Variants in APCDD1L observed in about 807,000 individuals in gnomAD.
APCDD1L encodes APC down-regulated 1 like, also known as protein APCDD1-like.
A neutral mutation model predicts 24.2 loss-of-function variants in APCDD1L; 21 were observed. The observed-to-expected ratio is 0.87, with a 90% CI of 0.61 to 1.25. APCDD1L has a LOEUF of 1.25. APCDD1L is among the 50% of genes most tolerant of loss of function. The pLI, the probability that APCDD1L is intolerant of heterozygous loss-of-function variation, is 0.00. For missense variants in APCDD1L, 704 were observed against 711.7 expected, an observed-to-expected ratio of 0.99 and a Z score of 0.12; for synonymous variants, 321 against 323.6, an observed-to-expected ratio of 0.99 and a Z score of 0.09.
Position 58,508,855 on chromosome 20 carries a change from G to A in APCDD1L, c.49+5804C>T, listed in dbSNP as rs1471100535. ...AATGATAGGCCACGGTGTATGGAGA[G>A]TGAGGGGTGCCGTGCAGAAAGGCAG... is the stretch of plus-strand genomic sequence containing the variant. On this transcript the variant is annotated intron_variant, in intron 1 of 3. Coordinates refer to ENST00000371149, the MANE Select transcript of APCDD1L (RefSeq NM_153360.3). This position sits in a 1 kb window ranked among gnomAD's most constrained non-coding sequence, Gnocchi z 4.0. Among the ~76,000 whole-genome samples, 1 of 152,208 alleles carries A rather than the reference G, an allele frequency of 6.6e-6. No homozygotes were observed. The highest frequency in any genetic ancestry group is 1.5e-5 in the Non-Finnish European group (1 of 68,030).
chr20:58,513,592 T>C (rs372529486), intron 1 of APCDD1L, among the ~76,000 whole-genome samples: 1 of 152,202 alleles, frequency 6.6e-6, no homozygotes, highest in South Asian at 2.1e-4. Context: ...TCCTTGCCTA[T>C]ACATGGAGCA....
chr20:58,485,819 G>A (rs1201469688), intron 1 of APCDD1L, among the ~76,000 whole-genome samples: 1 of 152,198 alleles, frequency 6.6e-6, no homozygotes, highest in Non-Finnish European at 1.5e-5. Flanking sequence ...AAGTAGGGAA[G>A]CCTCTGAGTT....
chr20:58,501,637 T>G (rs1990439071), intron 1 of APCDD1L, among the ~76,000 whole-genome samples: 1 of 152,160 alleles, frequency 6.6e-6, no homozygotes, highest in Non-Finnish European at 1.5e-5. Flanking sequence ...AATACAGACC[T>G]CCCATCCAGT....
chr20:58,504,504 T>C (rs970162018), intron 1 of APCDD1L, among the ~76,000 whole-genome samples: 1 of 152,192 alleles, frequency 6.6e-6, no homozygotes, highest in Non-Finnish European at 1.5e-5. Flanking sequence ...CAAGTGGTGA[T>C]AAATAGCAGT....
intron 1 of APCDD1L, among the ~76,000 whole-genome samples, chr20:58,506,200 G>A (rs546896144): frequency 1.3e-5 from 2 of 152,254 alleles, no homozygotes; most frequent in East Asian, 3.9e-4. Flanking sequence ...AGCAACCTGA[G>A]TCCCCTTGCA....
chr20:58,489,544 T>A (rs976229357), intron 1 of APCDD1L, among the ~76,000 whole-genome samples: 5 of 151,570 alleles, frequency 3.3e-5, no homozygotes, highest in Admixed American at 3.3e-4. Flanking sequence ...ATTAGCTGGG[T>A]GTGGTGGCGG....
chr20:58,488,366 A>G (rs1181332666), intron 1 of APCDD1L, among the ~76,000 whole-genome samples: 2 of 152,216 alleles, frequency 1.3e-5, no homozygotes, highest in South Asian at 4.1e-4. Flanking sequence ...ATGTACACAC[A>G]CACTCACACA....
At chr20:58,513,827 A>AC in intron 1 of APCDD1L, 1 of 1,228,572 alleles carries the variant, frequency 8.1e-7, no homozygotes, top group Non-Finnish European at 1.1e-6. Context: ...CCAAAGCCAG[A>AC]CGGGTTGATA....
intron 1 of APCDD1L, among the ~76,000 whole-genome samples, chr20:58,498,700 G>GGC: frequency 6.6e-6 from 1 of 152,290 alleles, no homozygotes; most frequent in South Asian, 2.1e-4. Flanking sequence ...TGATAACCTT[G>GGC]GCCTCCACCT....
chr20:58,492,570 A>T (rs1990241119), intron 1 of APCDD1L, among the ~76,000 whole-genome samples: 2 of 152,264 alleles, frequency 1.3e-5, no homozygotes. Context: ...AACCCTGCCC[A>T]TGGGAGCATA....
chr20:58,462,556 T>C (rs530032132), intron 3 of APCDD1L, among the ~76,000 whole-genome samples: 3 of 152,300 alleles, frequency 2.0e-5, no homozygotes, highest in African/African-American at 7.2e-5. Flanking sequence ...CATCAAAATA[T>C]GTCTGAGCCG....
intron 1 of APCDD1L, among the ~76,000 whole-genome samples, chr20:58,504,773 G>A (rs560901803): frequency 2.0e-4 from 30 of 152,262 alleles, no homozygotes; most frequent in African/African-American, 5.8e-4. Context: ...TTGGGGCCCC[G>A]ATGTTCCCCA....
At chr20:58,471,518 C>T (rs1007960831) in intron 1 of APCDD1L, among the ~76,000 whole-genome samples, 4 of 152,224 alleles carry the variant, frequency 2.6e-5, no homozygotes, top group African/African-American at 7.2e-5. Context: ...GGGAAGCAGG[C>T]GCTGCAGCAC....
intron 1 of APCDD1L, among the ~76,000 whole-genome samples, chr20:58,476,183 C>A (rs1989906299): frequency 1.3e-5 from 2 of 152,050 alleles, no homozygotes; most frequent in African/African-American, 4.8e-5. Context: ...AACACAAACA[C>A]TTATTTTTAT....
At chr20:58,473,891 A>G (rs1174777705) in intron 1 of APCDD1L, among the ~76,000 whole-genome samples, 1 of 152,266 alleles carries the variant, frequency 6.6e-6, no homozygotes, top group African/African-American at 2.4e-5. Context: ...TTACCTGCAG[A>G]ATTAAATCTA....
chr20:58,514,576 A>G (rs1990702131), intron 1 of APCDD1L, 83 bp downstream of exon 1: 2 of 1,230,064 alleles, frequency 1.6e-6, no homozygotes, highest in East Asian at 3.0e-5. Context: ...GTAGTCCCCA[A>G]GGGCCCTTAG....
At chr20:58,496,816 G>A (rs1990331569) in intron 1 of APCDD1L, among the ~76,000 whole-genome samples, 1 of 152,142 alleles carries the variant, frequency 6.6e-6, no homozygotes, top group South Asian at 2.1e-4. Flanking sequence ...GGAAGGCCGG[G>A]AGACCCCGAG....
intron 3 of APCDD1L, among the ~76,000 whole-genome samples, chr20:58,466,125 C>A (rs371311229): frequency 0.013 from 1,620 of 120,056 alleles, no homozygotes; most frequent in Non-Finnish European, 0.015. Context: ...GCTCATCTGG[C>A]AAAAAAAAAA....
intron 1 of APCDD1L, among the ~76,000 whole-genome samples, chr20:58,503,526 C>T (rs549946941): frequency 2.3e-4 from 35 of 152,302 alleles, no homozygotes; most frequent in African/African-American, 8.4e-4. Context: ...AGGCTAAATA[C>T]AGCCATGTCG....
Sources: gnomAD v4.1 joint callset for allele counts (sites outside exome capture counted in the v4.1 genomes callset) on GRCh38, gnomAD v4.1.1 for gene constraint, Gnocchi (gnomAD v3.1) non-coding constraint, MANE v1.5 for transcripts, NCBI Gene and HGNC (gene_info 2026-07-23, HGNC 2026-07-21) for gene names.